The following SLC6A20 variants were observed in gnomAD, a reference collection of about 807,000 sequenced individuals.
SLC6A20 encodes solute carrier family 6 member 20, also known as sodium- and chloride-dependent transporter XTRP3.
SLC6A20 carries 73 observed loss-of-function variants against 64.3 expected under a neutral mutation model. That is an observed-to-expected ratio of 1.14 (90% CI 0.94 to 1.38). SLC6A20 has a LOEUF of 1.38. Among genes scored for constraint, SLC6A20 ranks in the 40% most tolerant of loss-of-function variants. SLC6A20 has a pLI of 0.00. For synonymous variants in SLC6A20, 347 were observed against 329.6 expected, an observed-to-expected ratio of 1.05 and a Z score of -0.57; for missense variants, 725 against 772.8, an observed-to-expected ratio of 0.94 and a Z score of 0.73.
In SLC6A20 at chr3:45,785,613, T is replaced by TCTC. The variant is rs1700157049; in HGVS notation, c.122-3391_122-3390insGAG. 8.5e-4 allele frequency among the ~76,000 whole-genome samples: 120 copies of TCTC among 141,104 alleles called. 1 individual carries two copies. The South Asian group carries it at 0.018, about 21-fold the overall frequency. 92.6% of individuals were successfully genotyped at this position (141,104 alleles called of 152,430 possible). ...GAGTTAATACTTAATAAACTCCCCT[T>TCTC]TCTCTCTCTCTCTCTCTCTCTCTCT... is the stretch of plus-strand genomic sequence containing the variant. On this transcript the variant is annotated intron_variant, in intron 1 of 10. Coordinates refer to ENST00000358525, the MANE Select transcript of SLC6A20 (RefSeq NM_020208.4).
rs1398173214 is a variant in SLC6A20, at chr3:45,758,358, G to A, written c.*620C>T. The A allele has an allele frequency of 3.6e-5, 43 of 1,185,794 alleles. No homozygotes were observed. The highest frequency in any genetic ancestry group is 4.6e-5 in the Non-Finnish European group (42 of 904,740). 73.5% of individuals were successfully genotyped at this position (1,185,794 alleles called of 1,614,324 possible). On this transcript the variant is annotated 3_prime_UTR_variant, in exon 11 of 11. Transcript: ENST00000358525. ...TGTAGTTGGGGCAATTTTTTGTAGA[G>A]AGGTCTGGTCCTGGACCCACCGTCA...
chr3:45,777,047 C>A (rs963600847), intron 3 of SLC6A20, among the ~76,000 whole-genome samples: 5 of 152,286 alleles, frequency 3.3e-5, no homozygotes, highest in Non-Finnish European at 7.4e-5. Context: ...GAGACCCCAA[C>A]CCTGCTCTTT....
chr3:45,781,005 A>G (rs1034828829), intron 2 of SLC6A20, among the ~76,000 whole-genome samples: 1 of 152,302 alleles, frequency 6.6e-6, no homozygotes, highest in Admixed American at 6.5e-5. Context: ...AGATTGTAAA[A>G]CTACACACTT....
At chr3:45,769,838 C>T in intron 7 of SLC6A20, among the ~76,000 whole-genome samples, 1 of 152,128 alleles carries the variant, frequency 6.6e-6, no homozygotes, top group East Asian at 1.9e-4. Flanking sequence ...AACTTCATCT[C>T]TGAAATGTTC....
In SLC6A20 at chr3:45,771,398, G is replaced by A; in HGVS notation, c.754C>T (p.Leu252Phe). The A allele has an allele frequency of 6.2e-7, 1 of 1,614,280 alleles. No homozygotes were observed. The highest frequency in any genetic ancestry group is 1.1e-5 in the South Asian group (1 of 91,086). ...ATCAGGCTGCCGAAGCCCAGGCCAA[G>A]TGAGAAGAAGATCTGGGTGGCTGCA... Reference protein sequence around the residue: ...INAATQIFFSLGLGFGSLIAF... With the variant: ...INAATQIFFSFGLGFGSLIAF... The change falls in exon 6 of 11, where the codon CTT becomes TTT. Residue 252 changes from leucine to phenylalanine, a missense_variant. Transcript: ENST00000358525.
intron 3 of SLC6A20, among the ~76,000 whole-genome samples, chr3:45,777,204 C>A (rs1699982847): frequency 1.3e-5 from 2 of 152,188 alleles, no homozygotes; most frequent in African/African-American, 2.4e-5. Context: ...AGAACCAAGG[C>A]CCGGGGTATC....
chr3:45,771,360 G>A lies in SLC6A20; in HGVS notation c.792C>T (p.Ser264=), dbSNP rs1195850121. 2 of 1,614,142 alleles carry A rather than the reference G, an allele frequency of 1.2e-6. No homozygotes were observed. Among genetic ancestry groups the A allele is most frequent in the East Asian group, 2.2e-5 (1 of 44,902 alleles). The change falls in exon 6 of 11, where the codon AGC becomes AGT. Residue 264 remains serine (S), a synonymous_variant. Transcript: ENST00000358525. ...GGCAGTTGTTGGATGGCTCATTGTA[G>A]CTGGCGAAGGCGATCAGGCTGCCGA... ...LGFGSLIAFA[S]YNEPSNNCQK...
intron 1 of SLC6A20, among the ~76,000 whole-genome samples, chr3:45,783,703 A>G (rs961303720): frequency 6.6e-6 from 1 of 152,264 alleles, no homozygotes; most frequent in African/African-American, 2.4e-5. Context: ...GCCACACCAC[A>G]GAAAGAAAGG....
At chr3:45,773,013 A>C (rs1295941774) in intron 4 of SLC6A20, among the ~76,000 whole-genome samples, 1 of 152,246 alleles carries the variant, frequency 6.6e-6, no homozygotes, top group Non-Finnish European at 1.5e-5. Context: ...GCAATCCAGT[A>C]ATGAGCCCAC....
chr3:45,762,911 A>G lies in SLC6A20; in HGVS notation c.1463+2T>C. ...GCAAATGAGGGTCCTGGGCCTCCTC[A>G]CCTCCTCAGCCCGTACACGTAGCAC... On this transcript the variant is annotated splice_donor_variant, in intron 9 of 10. Transcript: ENST00000358525. LOFTEE classifies it high-confidence loss of function. 1 of 1,613,774 alleles carries G rather than the reference A, an allele frequency of 6.2e-7. No homozygotes were observed. Among genetic ancestry groups the G allele is most frequent in the Non-Finnish European group, 8.5e-7 (1 of 1,179,938 alleles).
intron 1 of SLC6A20, among the ~76,000 whole-genome samples, chr3:45,790,755 T>C (rs1389375796): frequency 6.6e-6 from 1 of 152,216 alleles, no homozygotes; most frequent in Non-Finnish European, 1.5e-5. Context: ...CTGCTTAAAA[T>C]CTGGCTTTGC....
rs1699634225 is a variant in SLC6A20 at position 45,759,869 on chromosome 3, C to G, written c.1617G>C (p.Trp539Cys). The change falls in exon 10 of 11, where the codon TGG becomes TGC. Residue 539 changes from tryptophan (W) to cysteine (C), a missense_variant. Physicochemically the swap from Trp to Cys is radical, Grantham distance 215. Transcript: ENST00000358525. ...AGACAGTAGATACCTGGGAGGCGTC[C>G]CAGGCTTGATACTTCAGGGTCCCCG... is the stretch of plus-strand genomic sequence containing the variant. Reference protein sequence around the residue: ...ILTGTLKYQAWDASQGQLVTK... With the variant: ...ILTGTLKYQACDASQGQLVTK... 1 of 1,613,584 alleles carries G rather than the reference C, an allele frequency of 6.2e-7. No individual in the cohort carries two copies.
At chr3:45,778,253 C>T (rs1700006333) in intron 3 of SLC6A20, among the ~76,000 whole-genome samples, 2 of 152,192 alleles carry the variant, frequency 1.3e-5, no homozygotes, top group South Asian at 4.1e-4. Context: ...ATGAGCTACT[C>T]GGCTCCCCTC....
intron 1 of SLC6A20, among the ~76,000 whole-genome samples, chr3:45,792,010 A>G (rs1700261583): frequency 6.6e-6 from 1 of 152,228 alleles, no homozygotes; most frequent in Non-Finnish European, 1.5e-5. Flanking sequence ...GGAGAGGATG[A>G]AGAGCACACT....
At chr3:45,782,754 C>T (rs1313489713) in intron 1 of SLC6A20, among the ~76,000 whole-genome samples, 1 of 152,174 alleles carries the variant, frequency 6.6e-6, no homozygotes, top group Admixed American at 6.5e-5. Context: ...TACTCAGCCA[C>T]CTGTCTGTTC....
intron 9 of SLC6A20, among the ~76,000 whole-genome samples, chr3:45,760,610 G>A (rs1241390872): frequency 4.6e-5 from 7 of 152,172 alleles, no homozygotes; most frequent in African/African-American, 9.7e-5. Flanking sequence ...TCCCAAAGGC[G>A]TTGCCCACAG....
chr3:45,762,914 T>A lies in SLC6A20; in HGVS notation c.1462A>T (p.Arg488Ter). ...IAVCYVYGLR[R>*]FESDLKAMTG... ...AATGAGGGTCCTGGGCCTCCTCACC[T>A]CCTCAGCCCGTACACGTAGCACACG... The change falls in exon 9 of 11, where the codon AGA (arginine) becomes TGA (stop). Residue 488 changes from arginine to a stop codon, truncating the protein, a stop_gained and splice_region_variant. Transcript: ENST00000358525. LOFTEE classifies it high-confidence loss of function. The A allele has an allele frequency of 6.2e-7, 1 of 1,614,078 alleles. No homozygotes were observed. Among genetic ancestry groups the A allele is most frequent in the Non-Finnish European group, 8.5e-7 (1 of 1,180,004 alleles).
chr3:45,769,846 T>C (rs1351650782), intron 7 of SLC6A20, among the ~76,000 whole-genome samples: 1 of 152,194 alleles, frequency 6.6e-6, no homozygotes, highest in Admixed American at 6.5e-5. Flanking sequence ...CTCTGAAATG[T>C]TCTTTTATAT....
chr3:45,766,308 G>A (rs1004794272), intron 7 of SLC6A20, among the ~76,000 whole-genome samples: 3 of 152,188 alleles, frequency 2.0e-5, no homozygotes, highest in East Asian at 1.9e-4. Flanking sequence ...TAGGTTGTGC[G>A]TACTCTCTGG....
Sources: allele counts gnomAD v4.1 joint callset (sites outside exome capture counted in the v4.1 genomes callset), GRCh38; gene constraint gnomAD v4.1.1; transcripts MANE v1.5; gene names NCBI Gene and HGNC (gene_info 2026-07-23, HGNC 2026-07-21).